The following DNER variants were observed in gnomAD, a reference collection of about 807,000 sequenced individuals.
DNER encodes delta and Notch-like epidermal growth factor-related receptor.
In DNER, 33 loss-of-function variants were observed where a neutral mutation model predicts 78.2. That is an observed-to-expected ratio of 0.42 (90% CI 0.32 to 0.56). The LOEUF is 0.56. Among genes scored for constraint, DNER ranks in the 20% least tolerant of loss-of-function variants. DNER has a pLI of 0.11. For missense variants in DNER, 918 were observed against 975.3 expected (o/e 0.94, Z 0.78); for synonymous variants, 417 against 384.8 (o/e 1.08, Z -0.98).
intron 1 of DNER, among the ~76,000 whole-genome samples, chr2:229,685,846 T>G (rs1699474254): frequency 6.6e-6 from 1 of 152,098 alleles, no homozygotes; most frequent in South Asian, 2.1e-4. Context: ...TGTAAGTCAC[T>G]ACAAGAACTG....
At chr2:229,493,840 G>A (rs1695452117) in intron 6 of DNER, among the ~76,000 whole-genome samples, 1 of 152,152 alleles carries the variant, frequency 6.6e-6, no homozygotes, top group African/African-American at 2.4e-5. Context: ...GGCCCAGAGA[G>A]TTGCATAATC....
intron 9 of DNER, among the ~76,000 whole-genome samples, chr2:229,412,554 TAGAA>T (rs1294854850): frequency 3.3e-5 from 5 of 151,910 alleles, no homozygotes; most frequent in Non-Finnish European, 4.4e-5. Context: ...TCATGGCAAA[TAGAA>T]AGAAAATAGA....
At chr2:229,453,644 T>C (rs1313860694) in intron 7 of DNER, among the ~76,000 whole-genome samples, 1 of 152,160 alleles carries the variant, frequency 6.6e-6, no homozygotes, top group Non-Finnish European at 1.5e-5. Flanking sequence ...ACCTCTCCTC[T>C]TGTTCTGCAG....
intron 1 of DNER, among the ~76,000 whole-genome samples, chr2:229,706,739 A>G (rs1699833365): frequency 1.3e-5 from 2 of 152,126 alleles, no homozygotes; most frequent in South Asian, 2.1e-4. Context: ...CTTTCATGCA[A>G]TGTGAGTTTT....
intron 10 of DNER, among the ~76,000 whole-genome samples, chr2:229,397,264 G>A (rs574023052): frequency 6.6e-6 from 1 of 152,008 alleles, no homozygotes; most frequent in Non-Finnish European, 1.5e-5. Flanking sequence ...CAACATGATT[G>A]TGAGCTCTCT....
chr2:229,398,406 T>C (rs1693196710), intron 10 of DNER, among the ~76,000 whole-genome samples: 1 of 152,114 alleles, frequency 6.6e-6, no homozygotes, highest in Non-Finnish European at 1.5e-5. Context: ...CACTGGTAAA[T>C]TCTATCAACT....
At chr2:229,551,834 A>G (rs1696743688) in intron 4 of DNER, among the ~76,000 whole-genome samples, 2 of 152,120 alleles carry the variant, frequency 1.3e-5, no homozygotes, top group African/African-American at 4.8e-5. Context: ...CGGGAGGCTG[A>G]GGCAGGAGAA....
chr2:229,520,467 G>A lies in DNER; in HGVS notation c.994-7531C>T, dbSNP rs896571479. ...GCCAGCCTAATTCCAAACTACATCC[G>A]GGTTATTCATAGTTAAATGTCCAAA... On this transcript the variant is annotated intron_variant, in intron 5 of 12. Transcript: ENST00000341772. Among the ~76,000 whole-genome samples the A allele has an allele frequency of 3.3e-5, 5 of 152,164 alleles. No individual in the cohort carries two copies. The East Asian group carries it at 5.8e-4, about 18-fold the overall frequency.
intron 5 of DNER, among the ~76,000 whole-genome samples, chr2:229,518,556 T>C (rs1007775569): frequency 3.3e-5 from 5 of 152,224 alleles, no homozygotes; most frequent in Middle Eastern, 3.2e-3. Context: ...GGAAGACCAA[T>C]GTCTTTGAAG....
At chr2:229,570,684 C>A (rs1697202716) in intron 4 of DNER, among the ~76,000 whole-genome samples, 1 of 149,658 alleles carries the variant, frequency 6.7e-6, no homozygotes, top group South Asian at 2.1e-4. Flanking sequence ...AGGGCACAGG[C>A]ATGTGGAGTA....
At chr2:229,435,017 T>G (rs1694091994) in intron 8 of DNER, among the ~76,000 whole-genome samples, 1 of 151,582 alleles carries the variant, frequency 6.6e-6, no homozygotes, top group Admixed American at 6.6e-5. Flanking sequence ...TTATGGTAGA[T>G]TGAAAAAAAA....
At chr2:229,597,074 AACATGTGTGCACACATGCACACAC>A (rs1482075957) in intron 1 of DNER, among the ~76,000 whole-genome samples, 3 of 140,454 alleles carry the variant, frequency 2.1e-5, no homozygotes, top group Non-Finnish European at 4.7e-5. Flanking sequence ...AATGAACACA[AACATGTGTGCACACATGCACACAC>A]ACATGCACAC....
At chr2:229,444,739 A>G (rs1259429808) in intron 8 of DNER, among the ~76,000 whole-genome samples, 1 of 152,136 alleles carries the variant, frequency 6.6e-6, no homozygotes, top group Non-Finnish European at 1.5e-5. Context: ...ACATACAAAA[A>G]TTAGCAGGGT....
intron 6 of DNER, among the ~76,000 whole-genome samples, chr2:229,497,911 A>T (rs568957252): frequency 5.9e-5 from 9 of 152,128 alleles, no homozygotes; most frequent in Admixed American, 2.0e-4. Flanking sequence ...ATTTTTCTCA[A>T]ACTCTTCCAA....
At chr2:229,536,171 T>C (rs1406947079) in intron 5 of DNER, among the ~76,000 whole-genome samples, 2 of 152,214 alleles carry the variant, frequency 1.3e-5, no homozygotes, top group African/African-American at 4.8e-5. Context: ...TGATGGTCAT[T>C]GGCTAGTTAC....
intron 7 of DNER, among the ~76,000 whole-genome samples, chr2:229,466,877 A>C (rs1694817334): frequency 6.6e-6 from 1 of 152,220 alleles, no homozygotes; most frequent in Non-Finnish European, 1.5e-5. Flanking sequence ...GGCATTAATA[A>C]AGTGACCTCA....
intron 6 of DNER, among the ~76,000 whole-genome samples, chr2:229,481,448 G>C (rs1056877138): frequency 1.3e-5 from 2 of 152,152 alleles, no homozygotes; most frequent in Admixed American, 6.5e-5. Flanking sequence ...ATACCAGCGA[G>C]TGACTCCTTA....
intron 1 of DNER, among the ~76,000 whole-genome samples, chr2:229,616,725 A>T (rs10174833): frequency 6.6e-6 from 1 of 152,194 alleles, no homozygotes; most frequent in South Asian, 2.1e-4. Context: ...CCCTTGGCAG[A>T]TCCACCTTCT....
chr2:229,645,143 C>A (rs1446418545), intron 1 of DNER, among the ~76,000 whole-genome samples: 1 of 152,122 alleles, frequency 6.6e-6, no homozygotes, highest in African/African-American at 2.4e-5. Context: ...ACTATAGGCA[C>A]ACACCACCAC....
Sources: allele counts gnomAD v4.1 joint callset (sites outside exome capture counted in the v4.1 genomes callset), GRCh38; gene constraint gnomAD v4.1.1; transcripts MANE v1.5; gene names NCBI Gene and HGNC (gene_info 2026-07-23, HGNC 2026-07-21).